The following LAMC1 variants were observed in gnomAD, a reference collection of about 807,000 sequenced individuals.
LAMC1 encodes the protein laminin subunit gamma-1.
Under a neutral mutation model 173.6 loss-of-function variants are expected in LAMC1, and 38 were observed. That is an observed-to-expected ratio of 0.22 (90% CI 0.17 to 0.29). The LOEUF (loss-of-function observed/expected upper bound fraction) is 0.29. Ranked by LOEUF, LAMC1 falls within the 10% of genes least tolerant of loss-of-function variation. LAMC1 has a pLI of 1.00. For missense variants in LAMC1, 1,824 were observed against 2,051.8 expected (o/e 0.89, Z 2.14); for synonymous variants, 746 against 749.1 (o/e 1.00, Z 0.07).
chr1:183,134,793 G>T lies in LAMC1; in HGVS notation c.3983G>T (p.Gly1328Val). 1 of 1,613,464 alleles carries T rather than the reference G, an allele frequency of 6.2e-7. No individual in the cohort carries two copies. The highest frequency in any genetic ancestry group is 8.5e-7 in the Non-Finnish European group (1 of 1,179,862). ...ELEVKNLLEKGKTEQQTADQL... is the reference protein window; with the variant it reads ...ELEVKNLLEKVKTEQQTADQL... ...GAAGTCAAGAACCTTCTGGAGAAAG[G>T]CAAGACTGAACAGCAGGTTGGTTTG... Residue 1328 changes from glycine to valine, a missense_variant, in exon 23 of 28, where the codon GGC (glycine) becomes GTC (valine). Gly to Val is a moderately radical substitution (Grantham distance 109). Coordinates refer to ENST00000258341, the MANE Select transcript of LAMC1 (RefSeq NM_002293.4).
At position 183,115,497 on chromosome 1, in the gene LAMC1, A is replaced by T. The variant is rs748367980; in HGVS notation, c.1211-23A>T. On this transcript the variant is annotated intron_variant, in intron 5 of 27. Transcript: ENST00000258341. ...ACGTATCTGGCCGAATTTTTGTTTG[A>T]CAATAGGCATTTTACATTTTAGGCT... 47 of 1,544,144 alleles carry T rather than the reference A, an allele frequency of 3.0e-5. No homozygotes were observed. The highest frequency in any genetic ancestry group is 8.9e-7 in the Non-Finnish European group (1 of 1,117,518).
At position 183,116,914 on chromosome 1, in the gene LAMC1, C is replaced by T. The variant is rs751361366; in HGVS notation, c.1564+11C>T. 5.6e-6 allele frequency: 9 copies of T among 1,610,412 alleles called. No homozygotes were observed. The South Asian group carries it at 7.7e-5, about 14-fold the overall frequency. The stretch of plus-strand genomic sequence containing the variant: ...CTACCTTTCAGATTGGTAATTTAGA[C>T]CTCATCCCCCAACCTGTTAGAACTG... On this transcript the variant is annotated intron_variant, in intron 8 of 27. Coordinates refer to ENST00000258341, the MANE Select transcript of LAMC1 (RefSeq NM_002293.4).
chr1:183,142,981 G>T lies in LAMC1; in HGVS notation c.*191G>T, dbSNP rs115744717. 2 of 583,312 alleles carry T rather than the reference G, an allele frequency of 3.4e-6. No individual in the cohort carries two copies. Among genetic ancestry groups the T allele is most frequent in the South Asian group, 2.2e-5 (1 of 44,712 alleles). The allele number at this position is 583,312 out of a possible 1,614,324, so 36.1% of individuals were successfully genotyped here. On this transcript the variant is annotated 3_prime_UTR_variant, in exon 28 of 28. Coordinates refer to ENST00000258341, the MANE Select transcript of LAMC1 (RefSeq NM_002293.4). Reference sequence around the variant, plus strand: ...TAAACATCCTGAATCGGGAACAAAGGGTTTTATCTAATAAAGTGTCTCTTC... The same window carrying T: ...TAAACATCCTGAATCGGGAACAAAGTGTTTTATCTAATAAAGTGTCTCTTC...
chr1:183,047,927 A>G (rs1157176604), intron 1 of LAMC1, among the ~76,000 whole-genome samples: 3 of 152,166 alleles, frequency 2.0e-5, no homozygotes, highest in African/African-American at 7.2e-5. Flanking sequence ...ACCACCATGT[A>G]TATAAATATT....
Position 183,023,672 on chromosome 1 carries a change from G to A in LAMC1, c.-45G>A. 1 of 1,154,292 alleles carries A rather than the reference G, an allele frequency of 8.7e-7. No individual in the cohort carries two copies. The highest frequency in any genetic ancestry group is 1.1e-6 in the Non-Finnish European group (1 of 936,858). 71.5% of individuals were successfully genotyped at this position (1,154,292 alleles called of 1,614,324 possible). A position where few individuals can be genotyped will look rare whatever the true frequency, so the allele number is the denominator to read the frequency against. On this transcript the variant is annotated 5_prime_UTR_variant, in exon 1 of 28. Coordinates refer to ENST00000258341, the MANE Select transcript of LAMC1 (RefSeq NM_002293.4). ...GGACGCCGCTAGGCGAGAGGAACGC[G>A]CCGGTGCCCTTGCCTTCGCCGTGAC...
At chr1:183,052,249 T>C (rs1157458526) in intron 1 of LAMC1, among the ~76,000 whole-genome samples, 1 of 152,202 alleles carries the variant, frequency 6.6e-6, no homozygotes, top group Non-Finnish European at 1.5e-5. Flanking sequence ...TACCCTACTT[T>C]CCATTCCTCT....
At chr1:183,093,982 G>A (rs1430919619) in intron 1 of LAMC1, among the ~76,000 whole-genome samples, 1 of 152,164 alleles carries the variant, frequency 6.6e-6, no homozygotes. Context: ...GCTAGTTAGA[G>A]CCTGTTACTC....
intron 1 of LAMC1, among the ~76,000 whole-genome samples, chr1:183,073,572 C>A (rs1458372294): frequency 6.6e-6 from 1 of 152,146 alleles, no homozygotes; most frequent in Non-Finnish European, 1.5e-5. Flanking sequence ...ACCTAGGTAA[C>A]CCAGTGGGCA....
intron 1 of LAMC1, among the ~76,000 whole-genome samples, chr1:183,101,857 T>C (rs1488987722): frequency 3.9e-5 from 6 of 152,202 alleles, no homozygotes; most frequent in African/African-American, 1.4e-4. Context: ...TAATCCAACC[T>C]CCTCTAAGAT....
intron 1 of LAMC1, among the ~76,000 whole-genome samples, chr1:183,099,327 T>G (rs1186400253): frequency 6.6e-6 from 1 of 152,134 alleles, no homozygotes; most frequent in Non-Finnish European, 1.5e-5. Context: ...TGACCTCAAG[T>G]GATCTGCCTG....
At chr1:183,111,680 A>G (rs564088025) in intron 4 of LAMC1, among the ~76,000 whole-genome samples, 4 of 152,180 alleles carry the variant, frequency 2.6e-5, no homozygotes, top group Non-Finnish European at 5.9e-5. Context: ...GTCCTTACAA[A>G]TATTGTTTAT....
intron 2 of LAMC1, among the ~76,000 whole-genome samples, chr1:183,107,582 G>A (rs1245097710): frequency 6.6e-6 from 1 of 152,232 alleles, no homozygotes; most frequent in Non-Finnish European, 1.5e-5. Context: ...TGTAATCCCA[G>A]CACTTTGGGA....
intron 24 of LAMC1, among the ~76,000 whole-genome samples, chr1:183,135,566 GA>G (rs1441998967): frequency 6.6e-6 from 1 of 151,998 alleles, no homozygotes; most frequent in African/African-American, 2.4e-5. Flanking sequence ...TATAAATAGA[GA>G]AGCTTTACAG....
intron 11 of LAMC1, among the ~76,000 whole-genome samples, chr1:183,120,156 T>G (rs1220427214): frequency 6.8e-5 from 7 of 103,054 alleles, no homozygotes; most frequent in African/African-American, 7.8e-5. Context: ...GTTTACAGAG[T>G]GGATCTATCT....
intron 6 of LAMC1, 24 bp from the exon 7 acceptor site, chr1:183,116,553 T>A: frequency 6.8e-7 from 1 of 1,465,600 alleles, no homozygotes; most frequent in Non-Finnish European, 9.5e-7. Flanking sequence ...TCTCTGATTG[T>A]TTTATCCATT....
intron 11 of LAMC1, among the ~76,000 whole-genome samples, chr1:183,121,141 G>T (rs144391657): frequency 9.2e-5 from 14 of 152,184 alleles, no homozygotes; most frequent in African/African-American, 3.4e-4. Flanking sequence ...AGTTTGGGCC[G>T]GGCATGGTGG....
chr1:183,141,380 A>T (rs1657109842), intron 27 of LAMC1: 2 of 152,240 alleles, frequency 1.3e-5, no homozygotes, highest in Admixed American at 1.3e-4. Context: ...TCATTTGCTA[A>T]GTAAGGACAG....
chr1:183,117,351 T>G lies in LAMC1; in HGVS notation c.1596T>G (p.Asp532Glu), dbSNP rs61752348. ...ATGGGTGGCGTGCGGAACAGAGAGA[T>G]GGCTCTGAAGCATCTCTCGAGTGGT... The part of the protein sequence containing the change: ...DEDGWRAEQR[D>E]GSEASLEWSS... The change falls in exon 9 of 28, where the codon GAT (aspartate) becomes GAG (glutamate). Residue 532 changes from aspartate (D) to glutamate (E), a missense_variant. Coordinates refer to ENST00000258341, the MANE Select transcript of LAMC1 (RefSeq NM_002293.4). 8.1e-4 allele frequency: 1,312 copies of G among 1,611,920 alleles called. 13 individuals carry two copies. The East Asian group carries it at 0.017, about 21-fold the overall frequency.
Position 183,121,938 on chromosome 1 carries a change from G to A in LAMC1, c.2206G>A (p.Glu736Lys). The A allele has an allele frequency of 6.2e-7, 1 of 1,613,742 alleles. No individual in the cohort carries two copies. The highest frequency in any genetic ancestry group is 8.5e-7 in the Non-Finnish European group (1 of 1,179,622). ...CNGHSETCDP[E>K]TGVCNCRDNT... ...TGGACACAGCGAGACCTGTGATCCT[G>A]AGACAGGTGAGATGATCTTTGGCAG... is the stretch of plus-strand genomic sequence containing the variant. Residue 736 changes from glutamate (E) to lysine (K), a missense_variant, in exon 12 of 28, where the codon GAG (glutamate) becomes AAG (lysine). Physicochemically the swap from Glu to Lys is moderately conservative, Grantham distance 56 (BLOSUM62 1). Coordinates refer to ENST00000258341, the MANE Select transcript of LAMC1 (RefSeq NM_002293.4).
Sources: allele counts gnomAD v4.1 joint callset (sites outside exome capture counted in the v4.1 genomes callset), GRCh38; gene constraint gnomAD v4.1.1; transcripts MANE v1.5; gene names NCBI Gene and HGNC (gene_info 2026-07-23, HGNC 2026-07-21).